Variants in WDR33 observed in about 807,000 individuals in gnomAD.
WDR33 encodes the protein pre-mRNA 3' end processing protein WDR33.
In WDR33, 47 loss-of-function variants were observed where a neutral mutation model predicts 164.9. The observed-to-expected ratio is 0.29, with a 90% confidence interval of 0.23 to 0.36. The LOEUF (loss-of-function observed/expected upper bound fraction) is 0.36, where lower values mean the gene tolerates loss of function less well. Among genes scored for constraint, WDR33 ranks in the 10% least tolerant of loss-of-function variants. The pLI is 1.00. For missense variants in WDR33, 1,137 were observed against 1,754.1 expected (o/e 0.65, Z 6.28); for synonymous variants, 505 against 589.0 (o/e 0.86, Z 2.06).
Position 127,763,321 on chromosome 2 carries a change from G to C in WDR33, c.627-162C>G. 2 of 1,437,304 alleles carry C rather than the reference G, an allele frequency of 1.4e-6. No homozygotes were observed. Among genetic ancestry groups the C allele is most frequent in the Non-Finnish European group, 1.8e-6 (2 of 1,097,328 alleles). 89.0% of individuals were successfully genotyped at this position (1,437,304 alleles called of 1,614,324 possible). On this transcript the variant is annotated intron_variant, in intron 6 of 21. Coordinates refer to ENST00000322313, the MANE Select transcript of WDR33 (RefSeq NM_018383.5). The surrounding 1 kb of genome is among the most constrained non-coding windows in gnomAD (Gnocchi z 4.5). ...AAGTGAATGTCGTCAGCTAACATAG[G>C]CATCTCATCAAAAGAAGACTTCAAC...
chr2:127,747,040 C>T (rs538062696), intron 7 of WDR33, among the ~76,000 whole-genome samples: 16 of 152,286 alleles, frequency 1.1e-4, no homozygotes, highest in Admixed American at 9.2e-4. Context: ...TTGTGGAGAT[C>T]ACCAAAGTGA....
rs745412908 is a variant in WDR33, at chr2:127,706,302, CAG to C, written c.*19_*20del. 2 of 1,527,794 alleles carry C rather than the reference CAG, an allele frequency of 1.3e-6. No homozygotes were observed. The highest frequency in any genetic ancestry group is 2.8e-5 in the African/African-American group (2 of 71,946). 94.6% of individuals were successfully genotyped at this position (1,527,794 alleles called of 1,614,324 possible). ...TCTTACATACTGTCCAGAGAGGCCT[CAG>C]GGTACTCAGTTCCAGCTTCTACCGA... On this transcript the variant is annotated 3_prime_UTR_variant, in exon 22 of 22. Coordinates refer to ENST00000322313, the MANE Select transcript of WDR33 (RefSeq NM_018383.5). The surrounding 1 kb of genome is among the most constrained non-coding windows in gnomAD (Gnocchi z 5.1).
chr2:127,809,428 C>CT (rs70985478), intron 1 of WDR33, among the ~76,000 whole-genome samples: 6,559 of 94,628 alleles, frequency 0.069, 179 homozygotes, highest in African/African-American at 0.1. Context: ...AGCCAAATTC[C>CT]TTTTTTTTTT....
rs932257542 is a variant in WDR33, at chr2:127,762,920, G to GT, written c.724+141dup. 15 of 1,439,392 alleles carry GT rather than the reference G, an allele frequency of 1.0e-5. No individual in the cohort carries two copies. In the South Asian group the frequency reaches 1.1e-4, roughly 10 times the overall value. The allele number at this position is 1,439,392 out of a possible 1,614,324, so 89.2% of individuals were successfully genotyped here. On this transcript the variant is annotated intron_variant, in intron 7 of 21. Coordinates refer to ENST00000322313, the MANE Select transcript of WDR33 (RefSeq NM_018383.5). ...GACTGTGAGTCAGAGAAAGTGCTGGGTTTTTTTGAAGAGCCTGAGACGGTG... is the reference window on the plus strand; with the variant it reads ...GACTGTGAGTCAGAGAAAGTGCTGGGTTTTTTTTGAAGAGCCTGAGACGGTG...
At chr2:127,769,066 T>C (rs1239893600) in intron 2 of WDR33, 65 bp from the exon 3 acceptor site, 1 of 953,052 alleles carries the variant, frequency 1.0e-6, no homozygotes, top group African/African-American at 1.7e-5. Context: ...TATGGTCTGA[T>C]TATACTCAAT....
chr2:127,788,210 C>T (rs1386425120), intron 1 of WDR33, among the ~76,000 whole-genome samples: 9 of 129,916 alleles, frequency 6.9e-5, no homozygotes, highest in African/African-American at 2.1e-4. Flanking sequence ...ACCCCCCCAC[C>T]TCCCTCCCGG....
Position 127,703,775 on chromosome 2 carries a change from G to A in WDR33, c.*2548C>T, listed in dbSNP as rs1228536172. On this transcript the variant is annotated 3_prime_UTR_variant, in exon 22 of 22. Coordinates refer to ENST00000322313, the MANE Select transcript of WDR33 (RefSeq NM_018383.5). ...ATTTCTCTAGAACTTGCAATAGTTG[G>A]GGGTTTTATAATGATGTTTTACAAT... 6.0e-6 allele frequency: 1 copy of A among 166,948 alleles called. No individual in the cohort carries two copies. The highest frequency in any genetic ancestry group is 1.5e-5 in the Non-Finnish European group (1 of 68,102). 10.3% of individuals were successfully genotyped at this position (166,948 alleles called of 1,614,324 possible).
In WDR33 at chr2:127,710,469, C is replaced by G. The variant is rs929653813; in HGVS notation, c.3309-613G>C. Reference sequence around the variant, plus strand: ...CCACCCAGGGGCAGGCCTCCATGACCACGAGTGGCACTCATGGCCCGAGTC... The same window carrying G: ...CCACCCAGGGGCAGGCCTCCATGACGACGAGTGGCACTCATGGCCCGAGTC... On this transcript the variant is annotated intron_variant, in intron 18 of 21. Transcript: ENST00000322313. The surrounding 1 kb of genome is among the most constrained non-coding windows in gnomAD (Gnocchi z 4.4). Among the ~76,000 whole-genome samples, 3 of 152,154 alleles carry G rather than the reference C, an allele frequency of 2.0e-5. No individual in the cohort carries two copies. Among genetic ancestry groups the G allele is most frequent in the Non-Finnish European group, 4.4e-5 (3 of 68,026 alleles).
At chr2:127,755,167 T>G (rs536981656) in intron 7 of WDR33, among the ~76,000 whole-genome samples, 1 of 152,362 alleles carries the variant, frequency 6.6e-6, no homozygotes, top group East Asian at 1.9e-4. Flanking sequence ...TATTTAACTT[T>G]TACAGTTTAA....
At chr2:127,792,027 C>T (rs1273095123) in intron 1 of WDR33, among the ~76,000 whole-genome samples, 2 of 151,874 alleles carry the variant, frequency 1.3e-5, no homozygotes, top group African/African-American at 4.8e-5. Context: ...CAACCTCTGC[C>T]TCCCAAGTTC....
chr2:127,771,139 C>T, intron 1 of WDR33, 135 bp from the exon 2 acceptor site: 5 of 701,220 alleles, frequency 7.1e-6, no homozygotes, highest in Non-Finnish European at 1.2e-5. Flanking sequence ...CAATGAACTA[C>T]AGTCATGAGT....
chr2:127,709,735 G>A lies in WDR33; in HGVS notation c.3430C>T (p.Arg1144Ter), dbSNP rs1355738492. ...ENFDASEEAA[R>*]GRDLRGRGRG... is the part of the protein sequence containing the mutation. ...CCTCGACCTCTGAGATCTCGTCCTC[G>A]GGCCGCTTCCTCAGAAGCATCAAAA... The change falls in exon 19 of 22, where the codon CGA becomes TGA. Residue 1144 changes from arginine to a stop codon, truncating the protein, a stop_gained. Transcript: ENST00000322313. LOFTEE classifies it high-confidence loss of function. The surrounding 1 kb of genome is among the most constrained non-coding windows in gnomAD (Gnocchi z 5.0). 6 of 1,614,018 alleles carry A rather than the reference G, an allele frequency of 3.7e-6. No individual in the cohort carries two copies. The highest frequency in any genetic ancestry group is 5.1e-6 in the Non-Finnish European group (6 of 1,180,030).
intron 4 of WDR33, among the ~76,000 whole-genome samples, chr2:127,766,977 T>G (rs1687842638): frequency 2.0e-5 from 3 of 152,304 alleles, no homozygotes; most frequent in Admixed American, 6.5e-5. Context: ...CAGGCTGGTC[T>G]CAAACTCCCG....
chr2:127,798,073 A>C lies in WDR33; in HGVS notation c.-24+12939T>G, dbSNP rs117409571. ...AAATTCCTTTCTTAAACCTTGCTTA[A>C]CAAATGAATTTAAGCCGGGCGTGGT... On this transcript the variant is annotated intron_variant, in intron 1 of 21. Coordinates refer to ENST00000322313, the MANE Select transcript of WDR33 (RefSeq NM_018383.5). Among the ~76,000 whole-genome samples the C allele has an allele frequency of 1.4e-3, 215 of 152,314 alleles. 7 individuals carry two copies. In the East Asian group the frequency reaches 0.033, roughly 24 times the overall value.
Position 127,709,391 on chromosome 2 carries a change from G to T in WDR33, c.3565+99C>A. Reference sequence around the variant, plus strand: ...CAGCCCAGCCCCCCGGGAGACATGAGCTGGAAAGAGGAGACCCGGTGCACC... The same window carrying T: ...CAGCCCAGCCCCCCGGGAGACATGATCTGGAAAGAGGAGACCCGGTGCACC... On this transcript the variant is annotated intron_variant, in intron 20 of 21. Transcript: ENST00000322313. This position sits in a 1 kb window ranked among gnomAD's most constrained non-coding sequence, Gnocchi z 5.0. The T allele has an allele frequency of 3.4e-6, 4 of 1,161,802 alleles. No individual in the cohort carries two copies. The highest frequency in any genetic ancestry group is 2.5e-6 in the Non-Finnish European group (2 of 785,400). The allele number at this position is 1,161,802 out of a possible 1,614,324, so 72.0% of individuals were successfully genotyped here.
chr2:127,773,544 T>C (rs1688080887), intron 1 of WDR33, among the ~76,000 whole-genome samples: 1 of 152,224 alleles, frequency 6.6e-6, no homozygotes, highest in South Asian at 2.1e-4. Flanking sequence ...AGAAGGTCCT[T>C]GGCAAACATT....
At chr2:127,765,096 C>T in intron 5 of WDR33, 78 bp downstream of exon 5, 1 of 1,556,006 alleles carries the variant, frequency 6.4e-7, no homozygotes, top group Non-Finnish European at 8.8e-7. Context: ...CTAAGTTTAA[C>T]AATGCCAATG....
chr2:127,787,669 C>G (rs1425554130), intron 1 of WDR33, among the ~76,000 whole-genome samples: 1 of 92,406 alleles, frequency 1.1e-5, no homozygotes, highest in Non-Finnish European at 2.2e-5. Context: ...GAGGGCTGAC[C>G]CCCCCACCTC....
At chr2:127,767,132 T>C (rs1265366497) in intron 4 of WDR33, among the ~76,000 whole-genome samples, 2 of 152,146 alleles carry the variant, frequency 1.3e-5, no homozygotes, top group Non-Finnish European at 2.9e-5. Flanking sequence ...CTGACATCTC[T>C]CTCCCAGGAC....
Sources: allele counts gnomAD v4.1 joint callset (sites outside exome capture counted in the v4.1 genomes callset), GRCh38; gene constraint gnomAD v4.1.1; non-coding constraint Gnocchi (gnomAD v3.1); transcripts MANE v1.5; gene names NCBI Gene and HGNC (gene_info 2026-07-23, HGNC 2026-07-21).